Variants in KCNMB2 observed in about 807,000 individuals in gnomAD.
KCNMB2 encodes the protein calcium-activated potassium channel subunit beta-2.
KCNMB2 carries 9 observed loss-of-function variants against 24.5 expected under a neutral mutation model. The ratio of observed to expected loss-of-function variants is 0.37; its 90% CI spans 0.22 to 0.64. The LOEUF (loss-of-function observed/expected upper bound fraction) is 0.64. Ranked by LOEUF, KCNMB2 falls within the 30% of genes least tolerant of loss-of-function variation. The probability of loss-of-function intolerance (pLI) is 0.63; values close to 1 mark genes in which losing one functional copy is unlikely to be tolerated. For synonymous variants in KCNMB2, 109 were observed against 104.4 expected, an observed-to-expected ratio of 1.04 and a Z score of -0.27; for missense variants, 226 against 284.3, an observed-to-expected ratio of 0.79 and a Z score of 1.47.
intron 1 of KCNMB2, among the ~76,000 whole-genome samples, chr3:178,629,551 A>G (rs1719238662): frequency 6.6e-6 from 1 of 152,084 alleles, no homozygotes; most frequent in Non-Finnish European, 1.5e-5. Context: ...CATAAACAGA[A>G]TCCTGGTCTG....
intron 1 of KCNMB2, among the ~76,000 whole-genome samples, chr3:178,730,083 T>G (rs1450457018): frequency 6.6e-6 from 1 of 152,134 alleles, no homozygotes; most frequent in Non-Finnish European, 1.5e-5. Context: ...CACATATCAC[T>G]TTCATCCACA....
chr3:178,724,974 T>C (rs531261752), intron 1 of KCNMB2, among the ~76,000 whole-genome samples: 2 of 152,252 alleles, frequency 1.3e-5, no homozygotes, highest in African/African-American at 4.8e-5. Context: ...TCATTTTTGC[T>C]CAGGGTTGCT....
At chr3:178,639,200 G>A (rs1719635397) in intron 1 of KCNMB2, among the ~76,000 whole-genome samples, 1 of 152,094 alleles carries the variant, frequency 6.6e-6, no homozygotes, top group African/African-American at 2.4e-5. Flanking sequence ...ACCTTGTAAT[G>A]TATTAAAATC....
chr3:178,577,754 G>A (rs1402381212), intron 1 of KCNMB2, among the ~76,000 whole-genome samples: 3 of 152,134 alleles, frequency 2.0e-5, no homozygotes, highest in Non-Finnish European at 2.9e-5. Context: ...TAGCCGAATC[G>A]ATTAAGCAGA....
At chr3:178,727,131 T>A (rs890784110) in intron 1 of KCNMB2, among the ~76,000 whole-genome samples, 1 of 152,138 alleles carries the variant, frequency 6.6e-6, no homozygotes, top group Non-Finnish European at 1.5e-5. Flanking sequence ...AATAGCCATA[T>A]ACCCTTTTGA....
chr3:178,820,886 C>T (rs909912913), intron 2 of KCNMB2, among the ~76,000 whole-genome samples: 1 of 152,202 alleles, frequency 6.6e-6, no homozygotes. Flanking sequence ...GTAAAGACTG[C>T]ACATATCTAC....
At chr3:178,821,840 T>C (rs1714639243) in intron 2 of KCNMB2, among the ~76,000 whole-genome samples, 1 of 152,180 alleles carries the variant, frequency 6.6e-6, no homozygotes, top group Non-Finnish European at 1.5e-5. Context: ...AAGTTCTGTC[T>C]CATAGATATT....
At chr3:178,617,373 A>G (rs1718743947) in intron 1 of KCNMB2, among the ~76,000 whole-genome samples, 3 of 151,180 alleles carry the variant, frequency 2.0e-5, no homozygotes, top group South Asian at 4.2e-4. Context: ...CCTGGCTAAC[A>G]TGGTGAAACC....
chr3:178,556,269 T>C (rs183914809), intron 1 of KCNMB2, among the ~76,000 whole-genome samples: 5 of 152,318 alleles, frequency 3.3e-5, no homozygotes, highest in Admixed American at 2.6e-4. Flanking sequence ...TCCAGAGTCA[T>C]TTTCATGGAT....
At position 178,541,477 on chromosome 3, in the gene KCNMB2, C is replaced by T. The variant is rs1212872826; in HGVS notation, c.-68+4766C>T. Among the ~76,000 whole-genome samples, 5 of 152,156 alleles carry T rather than the reference C, an allele frequency of 3.3e-5. No individual in the cohort carries two copies. The South Asian group carries it at 8.3e-4, about 25-fold the overall frequency. ...GTAATCAGTTAATACAATCAATAAT[C>T]GTACTATTCATTTACACTTTCAAAA... is the stretch of plus-strand genomic sequence containing the variant. On this transcript the variant is annotated intron_variant, in intron 1 of 4. Transcript: ENST00000452583.
intron 4 of KCNMB2, among the ~76,000 whole-genome samples, chr3:178,839,807 G>C (rs763820852): frequency 6.6e-5 from 10 of 152,262 alleles, no homozygotes; most frequent in Non-Finnish European, 1.3e-4. Flanking sequence ...TCCCTGACAC[G>C]TGGAAATTAC....
chr3:178,645,799 T>C (rs1449514974), intron 1 of KCNMB2, among the ~76,000 whole-genome samples: 1 of 152,182 alleles, frequency 6.6e-6, no homozygotes, highest in South Asian at 2.1e-4. Context: ...GGAGAGCATA[T>C]GGGTGAGGCA....
intron 1 of KCNMB2, among the ~76,000 whole-genome samples, chr3:178,599,858 A>C (rs1718016254): frequency 6.6e-6 from 1 of 152,106 alleles, no homozygotes; most frequent in Non-Finnish European, 1.5e-5. Context: ...CATATTCTGC[A>C]GTATTTCTCT....
intron 1 of KCNMB2, among the ~76,000 whole-genome samples, chr3:178,784,189 T>A (rs1560020434): frequency 1.3e-5 from 2 of 152,182 alleles, no homozygotes; most frequent in Non-Finnish European, 2.9e-5. Flanking sequence ...TAATTTACAT[T>A]TATTAGTACC....
intron 1 of KCNMB2, among the ~76,000 whole-genome samples, chr3:178,691,653 A>G (rs1441482601): frequency 6.6e-6 from 1 of 152,194 alleles, no homozygotes; most frequent in African/African-American, 2.4e-5. Context: ...TATCCAGTCT[A>G]TCATTGGTGG....
intron 1 of KCNMB2, among the ~76,000 whole-genome samples, chr3:178,640,593 CTCT>C (rs1719689374): frequency 6.6e-6 from 1 of 152,134 alleles, no homozygotes; most frequent in Non-Finnish European, 1.5e-5. Flanking sequence ...GAAAATTTTC[CTCT>C]TTTTTTGTTT....
intron 1 of KCNMB2, among the ~76,000 whole-genome samples, chr3:178,741,696 A>T (rs967224029): frequency 1.3e-5 from 2 of 152,188 alleles, no homozygotes; most frequent in Non-Finnish European, 2.9e-5. Context: ...TGAGAAAGCA[A>T]GTTCTTCAAG....
chr3:178,648,051 C>T (rs1296015105), intron 1 of KCNMB2, among the ~76,000 whole-genome samples: 1 of 152,032 alleles, frequency 6.6e-6, no homozygotes, highest in Non-Finnish European at 1.5e-5. Flanking sequence ...TTTCTTAGCT[C>T]ATGACACACT....
intron 1 of KCNMB2, among the ~76,000 whole-genome samples, chr3:178,705,480 T>A (rs1419486011): frequency 6.6e-6 from 1 of 152,176 alleles, no homozygotes; most frequent in African/African-American, 2.4e-5. Flanking sequence ...TGTTTCATTG[T>A]CTATCTTCAA....
Sources: allele counts gnomAD v4.1 joint callset (sites outside exome capture counted in the v4.1 genomes callset), GRCh38; gene constraint gnomAD v4.1.1; transcripts MANE v1.5; gene names NCBI Gene and HGNC (gene_info 2026-07-23, HGNC 2026-07-21).